The following TRPM8 variants were observed in gnomAD, a reference collection of about 807,000 sequenced individuals.
TRPM8 encodes the protein TRPM8 cationic channel.
A neutral mutation model predicts 133.7 loss-of-function variants in TRPM8; 110 were observed. That is an observed-to-expected ratio of 0.82 (90% CI 0.70 to 0.96). The LOEUF is 0.96. TRPM8 is among the 40% of genes least tolerant of loss of function. TRPM8 has a pLI of 0.00. For synonymous variants in TRPM8, 535 were observed against 532.3 expected, an observed-to-expected ratio of 1.01 and a Z score of -0.07; for missense variants, 1,291 against 1,379.5, an observed-to-expected ratio of 0.94 and a Z score of 1.02.
In TRPM8 at chr2:233,961,698, G is replaced by C. The variant is rs1445538375; in HGVS notation, c.1653+632G>C. Reference sequence around the variant, plus strand: ...AGGCTGGAGTGCAGTGGCCTGATCTGAGCTCACTGCAACCTCCACTTCCCA... The same window carrying C: ...AGGCTGGAGTGCAGTGGCCTGATCTCAGCTCACTGCAACCTCCACTTCCCA... On this transcript the variant is annotated intron_variant, in intron 12 of 25. Transcript: ENST00000324695. Among the ~76,000 whole-genome samples the C allele has an allele frequency of 5.6e-5, 8 of 142,726 alleles. No individual in the cohort carries two copies. In the Admixed American group the frequency reaches 5.8e-4, roughly 10 times the overall value. The allele number at this position is 142,726 out of a possible 152,430, so 93.6% of individuals were successfully genotyped here.
At chr2:233,939,804 G>C (rs1690860267) in intron 5 of TRPM8, among the ~76,000 whole-genome samples, 1 of 152,072 alleles carries the variant, frequency 6.6e-6, no homozygotes, top group African/African-American at 2.4e-5. Context: ...TATGACTTTG[G>C]GGGGAACCGT....
intron 1 of TRPM8, among the ~76,000 whole-genome samples, chr2:233,922,331 G>A (rs573976565): frequency 6.6e-6 from 1 of 152,172 alleles, no homozygotes; most frequent in South Asian, 2.1e-4. Flanking sequence ...TTGGCCATTG[G>A]TAAGTTTAGG....
At chr2:233,955,692 C>A (rs1436360658) in intron 11 of TRPM8, among the ~76,000 whole-genome samples, 1 of 152,108 alleles carries the variant, frequency 6.6e-6, no homozygotes, top group Non-Finnish European at 1.5e-5. Context: ...GAGAACCGTC[C>A]GTAGTGAGAT....
In TRPM8 at chr2:233,981,777, C is replaced by T. The variant is rs1377025415; in HGVS notation, c.2451C>T (p.Leu817=). The change falls in exon 19 of 26, where the codon CTC becomes CTT. Residue 817 remains leucine, a synonymous_variant. Coordinates refer to ENST00000324695, the MANE Select transcript of TRPM8 (RefSeq NM_024080.5). ...FYFIAGIVFR[L]HSSNKSSLYS... is the part of the protein sequence containing the mutation. ...CTGTTCCTTCTTTTCCCCCTAGGCT[C>T]CACTCTTCTAATAAAAGCTCTTTGT... 1 of 1,606,438 alleles carries T rather than the reference C, an allele frequency of 6.2e-7. No individual in the cohort carries two copies. Among genetic ancestry groups the T allele is most frequent in the Non-Finnish European group, 8.5e-7 (1 of 1,177,768 alleles).
At chr2:233,953,254 C>T (rs1394054805) in intron 9 of TRPM8, among the ~76,000 whole-genome samples, 1 of 152,200 alleles carries the variant, frequency 6.6e-6, no homozygotes, top group African/African-American at 2.4e-5. Flanking sequence ...AGTTCCAGAT[C>T]CTTATTTCCA....
chr2:234,000,481 G>A (rs1345723077), intron 22 of TRPM8, among the ~76,000 whole-genome samples: 2 of 152,096 alleles, frequency 1.3e-5, no homozygotes, highest in East Asian at 3.8e-4. Context: ...CATTGAAAAG[G>A]CTTCCTTGAT....
rs147816714 is a variant in TRPM8 at position 234,017,423 on chromosome 2, T to C, written c.*167T>C. On this transcript the variant is annotated 3_prime_UTR_variant, in exon 26 of 26. Coordinates refer to ENST00000324695, the MANE Select transcript of TRPM8 (RefSeq NM_024080.5). ...GTGTGCTGAGACCTTGAGAATAAAG[T>C]GTGTGATTGGTTTCATACTTGAAGA... The C allele has an allele frequency of 2.2e-3, 1,038 of 466,612 alleles. 4 individuals carry two copies. The highest frequency in any genetic ancestry group is 3.8e-3 in the Non-Finnish European group (868 of 225,690). The allele number at this position is 466,612 out of a possible 1,614,324, so 28.9% of individuals were successfully genotyped here.
Position 233,996,466 on chromosome 2 carries a change from AGT to A in TRPM8, c.3082_3083del (p.Cys1028LeufsTer20). 1.2e-6 allele frequency: 2 copies of A among 1,614,200 alleles called. No homozygotes were observed. Among genetic ancestry groups the A allele is most frequent in the Non-Finnish European group, 1.7e-6 (2 of 1,180,042 alleles). ...GCTTACTTCTACATGGTGGTGAAGA[AGT>A]GCTTCAAGTGTTGCTGCAAGGAGAA... On this transcript the variant is annotated frameshift_variant, in exon 22 of 26. Coordinates refer to ENST00000324695, the MANE Select transcript of TRPM8 (RefSeq NM_024080.5). LOFTEE classifies it high-confidence loss of function.
At chr2:233,998,682 C>T (rs927369767) in intron 22 of TRPM8, among the ~76,000 whole-genome samples, 1 of 144,948 alleles carries the variant, frequency 6.9e-6, no homozygotes, top group African/African-American at 2.6e-5. Context: ...GGTGAGCAGC[C>T]TGTGCCCATC....
In TRPM8 at chr2:233,927,835, CCTTCCTTCCTTCCTTCCTTT is replaced by C. The variant is rs1380242520; in HGVS notation, c.117+1185_117+1204del. Reference sequence around the variant, plus strand: ...TCCTTCCTTCCTTCCTTCCTTCCTTCCTTCCTTCCTTCCTTCCTTTCTTTCTCTTTCTTTCTTTCTTTCTT... The same window carrying C: ...TCCTTCCTTCCTTCCTTCCTTCCTTCCTTTCTCTTTCTTTCTTTCTTTCTT... On this transcript the variant is annotated intron_variant, in intron 2 of 25. Coordinates refer to ENST00000324695, the MANE Select transcript of TRPM8 (RefSeq NM_024080.5). Among the ~76,000 whole-genome samples, 23 of 74,952 alleles carry C rather than the reference CCTTCCTTCCTTCCTTCCTTT, an allele frequency of 3.1e-4. 1 individual carries two copies. Among genetic ancestry groups the C allele is most frequent in the Admixed American group, 6.1e-4 (4 of 6,530 alleles). 49.2% of individuals were successfully genotyped at this position (74,952 alleles called of 152,430 possible).
chr2:233,940,611 T>C (rs1415221886), intron 5 of TRPM8, among the ~76,000 whole-genome samples: 1 of 152,224 alleles, frequency 6.6e-6, no homozygotes, highest in Non-Finnish European at 1.5e-5. Flanking sequence ...ATAGTTTCAT[T>C]GTTGCTAGTT....
chr2:234,012,089 C>T (rs1692853609), intron 24 of TRPM8, among the ~76,000 whole-genome samples: 1 of 151,062 alleles, frequency 6.6e-6, no homozygotes, highest in Non-Finnish European at 1.5e-5. Context: ...ATAGAAATGC[C>T]ATTAATTTTT....
chr2:233,977,869 C>T lies in TRPM8; in HGVS notation c.2356-2319C>T, dbSNP rs28902200. Among the ~76,000 whole-genome samples the T allele has an allele frequency of 2.1e-3, 326 of 152,270 alleles. 1 individual carries two copies. The highest frequency in any genetic ancestry group is 7.4e-3 in the African/African-American group (308 of 41,564). On this transcript the variant is annotated intron_variant, in intron 17 of 25. Transcript: ENST00000324695. ...ATGGCAAGATGTATCTGTTTCCCCT[C>T]GATTTTTGTCCATTTTTATTTTATT...
intron 22 of TRPM8, 54 bp downstream of exon 22, chr2:233,996,570 G>A: frequency 6.7e-7 from 1 of 1,499,130 alleles, no homozygotes; most frequent in Non-Finnish European, 9.3e-7. Context: ...TAATTTCAGG[G>A]AAGGATGCCT....
intron 17 of TRPM8, among the ~76,000 whole-genome samples, chr2:233,977,382 A>G (rs1691896374): frequency 6.6e-6 from 1 of 152,102 alleles, no homozygotes; most frequent in East Asian, 1.9e-4. Flanking sequence ...TTCCTTTAAA[A>G]ACACATTATC....
intron 22 of TRPM8, among the ~76,000 whole-genome samples, chr2:234,005,834 C>A (rs1692679325): frequency 1.3e-5 from 2 of 151,458 alleles, no homozygotes; most frequent in African/African-American, 4.9e-5. Flanking sequence ...TCGCTTGAAC[C>A]TAGGAGGCTG....
At chr2:233,974,528 G>C (rs745339466) in intron 17 of TRPM8, among the ~76,000 whole-genome samples, 1 of 152,136 alleles carries the variant, frequency 6.6e-6, no homozygotes, top group Admixed American at 6.5e-5. Flanking sequence ...CACTGCGCTC[G>C]GCCACCAAAA....
rs891998419 is a variant in TRPM8, at chr2:234,018,372, G to A, written c.*1116G>A. 6.6e-6 allele frequency: 1 copy of A among 151,650 alleles called. No homozygotes were observed. The highest frequency in any genetic ancestry group is 1.5e-5 in the Non-Finnish European group (1 of 67,930). 9.4% of individuals were successfully genotyped at this position (151,650 alleles called of 1,614,324 possible). ...AGCATCTTTGTGCATGAATCCTATT[G>A]CTGTATTTGGGAAAATTTTCCAAGG... is the stretch of plus-strand genomic sequence containing the variant. On this transcript the variant is annotated 3_prime_UTR_variant, in exon 26 of 26. Transcript: ENST00000324695.
chr2:233,948,895 G>A (rs1057452350), intron 8 of TRPM8, among the ~76,000 whole-genome samples: 9 of 152,166 alleles, frequency 5.9e-5, no homozygotes, highest in African/African-American at 2.2e-4. Context: ...TTAGCTGGGC[G>A]CAGTGGCAGG....
Sources: gnomAD v4.1 joint callset for allele counts (sites outside exome capture counted in the v4.1 genomes callset) on GRCh38, gnomAD v4.1.1 for gene constraint, MANE v1.5 for transcripts, NCBI Gene and HGNC (gene_info 2026-07-23, HGNC 2026-07-21) for gene names.